The following SEMA6D variants were observed in gnomAD, a reference collection of about 807,000 sequenced individuals.
The protein encoded by SEMA6D is semaphorin-6D.
Under a neutral mutation model 106.6 loss-of-function variants are expected in SEMA6D, and 35 were observed. The ratio of observed to expected loss-of-function variants is 0.33; its 90% CI spans 0.25 to 0.44. The LOEUF (loss-of-function observed/expected upper bound fraction) is 0.44. SEMA6D is among the 20% of genes least tolerant of loss of function. The pLI is 1.00. For missense variants in SEMA6D, 1,185 were observed against 1,345.9 expected (o/e 0.88, Z 1.87); for synonymous variants, 499 against 487.7 (o/e 1.02, Z -0.31).
intron 1 of SEMA6D, among the ~76,000 whole-genome samples, chr15:47,311,840 T>C (rs961321356): frequency 1.3e-5 from 2 of 152,226 alleles, no homozygotes; most frequent in African/African-American, 4.8e-5. Flanking sequence ...AAACCAAATG[T>C]CTGTAGCAGC....
At chr15:47,329,614 G>A (rs1041236383) in intron 1 of SEMA6D, among the ~76,000 whole-genome samples, 26 of 152,072 alleles carry the variant, frequency 1.7e-4, no homozygotes, top group African/African-American at 6.0e-4. Context: ...TAGTTCTTGC[G>A]TTTTCCTTCC....
At chr15:47,293,943 G>C (rs1423204278) in intron 1 of SEMA6D, among the ~76,000 whole-genome samples, 2 of 152,178 alleles carry the variant, frequency 1.3e-5, no homozygotes, top group African/African-American at 4.8e-5. Context: ...ATTTTTTCAA[G>C]TTGCTTGTGG....
At chr15:47,383,575 T>C (rs1407650485) in intron 1 of SEMA6D, among the ~76,000 whole-genome samples, 5 of 152,206 alleles carry the variant, frequency 3.3e-5, no homozygotes, top group African/African-American at 1.2e-4. Context: ...GTAGTAGTAA[T>C]AATAATTTAT....
At position 47,498,711 on chromosome 15, in the gene SEMA6D, A is replaced by G. The variant is rs1166336510; in HGVS notation, c.-87+28166A>G. On this transcript the variant is annotated intron_variant, in intron 3 of 19. Transcript: ENST00000558014. ...AAATTTTGTGAAAGATTTACCTTGG[A>G]GGGGCGCTGGAGAACATCTCAAAGG... Among the ~76,000 whole-genome samples, 7 of 152,110 alleles carry G rather than the reference A, an allele frequency of 4.6e-5. 1 individual carries two copies. Among genetic ancestry groups the G allele is most frequent in the Admixed American group, 4.6e-4 (7 of 15,246 alleles).
intron 1 of SEMA6D, among the ~76,000 whole-genome samples, chr15:47,202,112 C>T (rs1039646906): frequency 1.3e-5 from 2 of 151,874 alleles, no homozygotes; most frequent in Admixed American, 6.6e-5. Flanking sequence ...GGAGAACTTC[C>T]GATATCATTA....
At chr15:47,629,744 C>G in intron 4 of SEMA6D, among the ~76,000 whole-genome samples, 1 of 151,704 alleles carries the variant, frequency 6.6e-6, no homozygotes, top group East Asian at 1.9e-4. Context: ...TTATTCTGTT[C>G]TTTATGTCCA....
intron 4 of SEMA6D, among the ~76,000 whole-genome samples, chr15:47,630,353 A>G (rs1306134646): frequency 6.6e-6 from 1 of 151,830 alleles, no homozygotes; most frequent in Non-Finnish European, 1.5e-5. Context: ...AATGCACCTA[A>G]GTATTTTATT....
chr15:47,452,053 C>T (rs897716797), intron 2 of SEMA6D, among the ~76,000 whole-genome samples: 4 of 151,936 alleles, frequency 2.6e-5, no homozygotes, highest in Non-Finnish European at 5.9e-5. Context: ...CATACGTAGA[C>T]CTCAGTTACT....
chr15:47,561,820 G>T (rs1440532626), intron 3 of SEMA6D, among the ~76,000 whole-genome samples: 1 of 151,668 alleles, frequency 6.6e-6, no homozygotes, highest in Non-Finnish European at 1.5e-5. Context: ...TGACAAAATT[G>T]CATGAGAGAG....
At chr15:47,636,958 AT>A (rs1210381604) in intron 4 of SEMA6D, among the ~76,000 whole-genome samples, 2 of 152,250 alleles carry the variant, frequency 1.3e-5, no homozygotes, top group African/African-American at 4.8e-5. Context: ...TAGGTTAGTA[AT>A]TTGATACCTG....
At chr15:47,354,187 CTCTCTCTCTCTCTATATATATATA>C (rs1472803695) in intron 1 of SEMA6D, among the ~76,000 whole-genome samples, 2 of 25,846 alleles carry the variant, frequency 7.7e-5, no homozygotes, top group East Asian at 6.5e-4. Context: ...CTCTCTCTCT[CTCTCTCTCTCTCTATATATATATA>C]TATATATATA....
intron 3 of SEMA6D, among the ~76,000 whole-genome samples, chr15:47,551,793 C>T (rs1410876221): frequency 4.0e-5 from 6 of 151,452 alleles, no homozygotes; most frequent in Non-Finnish European, 8.8e-5. Context: ...AGATTCAGAG[C>T]CATAGTAAAT....
intron 3 of SEMA6D, among the ~76,000 whole-genome samples, chr15:47,598,486 C>G (rs1262962235): frequency 6.6e-6 from 1 of 152,102 alleles, no homozygotes; most frequent in Non-Finnish European, 1.5e-5. Context: ...TGGGAAAGCA[C>G]AAGAATTAAG....
intron 2 of SEMA6D, among the ~76,000 whole-genome samples, chr15:47,448,592 A>C (rs1290534214): frequency 6.6e-6 from 1 of 152,162 alleles, no homozygotes; most frequent in Non-Finnish European, 1.5e-5. Flanking sequence ...TTTCCTAAGC[A>C]GGGCCTCCTT....
chr15:47,308,542 G>A (rs753829853), intron 1 of SEMA6D, among the ~76,000 whole-genome samples: 10 of 152,098 alleles, frequency 6.6e-5, no homozygotes, highest in African/African-American at 4.8e-5. Context: ...TCTTCAGAAC[G>A]AATCCCGTAA....
At chr15:47,210,864 C>T (rs1029011039) in intron 1 of SEMA6D, among the ~76,000 whole-genome samples, 3 of 150,172 alleles carry the variant, frequency 2.0e-5, no homozygotes, top group Admixed American at 1.3e-4. Context: ...TACTAAAAGT[C>T]GTTTAAACAT....
At chr15:47,523,165 C>T (rs760375500) in intron 3 of SEMA6D, among the ~76,000 whole-genome samples, 13 of 152,116 alleles carry the variant, frequency 8.5e-5, no homozygotes, top group Non-Finnish European at 1.6e-4. Context: ...CTTGGGATCC[C>T]ACTTGGGAGG....
chr15:47,554,806 T>C (rs545117830), intron 3 of SEMA6D, among the ~76,000 whole-genome samples: 2 of 152,278 alleles, frequency 1.3e-5, no homozygotes, highest in South Asian at 2.1e-4. Context: ...TTTTCTCTAA[T>C]AAGCCCACTG....
intron 3 of SEMA6D, among the ~76,000 whole-genome samples, chr15:47,517,152 C>G (rs12324655): frequency 0.013 from 1,909 of 152,234 alleles, 44 homozygotes; most frequent in African/African-American, 0.044. Context: ...ATCTATTACT[C>G]TTAGGACTTC....
Sources: allele counts gnomAD v4.1 joint callset (sites outside exome capture counted in the v4.1 genomes callset), GRCh38; gene constraint gnomAD v4.1.1; transcripts MANE v1.5; gene names NCBI Gene and HGNC (gene_info 2026-07-23, HGNC 2026-07-21).